The following ANKLE2 variants were observed in gnomAD, a reference collection of about 807,000 sequenced individuals.
ANKLE2 encodes the protein ankyrin repeat and LEM domain containing 2.
In ANKLE2, 55 loss-of-function variants were observed where a neutral mutation model predicts 84.2. That is an observed-to-expected ratio of 0.65 (90% CI 0.53 to 0.82). The LOEUF is 0.82. Among genes scored for constraint, ANKLE2 ranks in the 40% least tolerant of loss-of-function variants. ANKLE2 has a pLI of 0.00. For missense variants in ANKLE2, 1,238 were observed against 1,201.9 expected (o/e 1.03, Z -0.44); for synonymous variants, 551 against 486.1 (o/e 1.13, Z -1.76).
chr12:132,751,047 G>A lies in ANKLE2; in HGVS notation c.641-198C>T, dbSNP rs2044344329. The stretch of plus-strand genomic sequence containing the variant: ...AACAAGCTCGACAGTGTGCATATAT[G>A]CATGTAACATGATATATATTATGTT... On this transcript the variant is annotated intron_variant, in intron 2 of 12. Coordinates refer to ENST00000357997, the MANE Select transcript of ANKLE2 (RefSeq NM_015114.3). 2.1e-5 allele frequency: 12 copies of A among 578,356 alleles called. No homozygotes were observed. The East Asian group carries it at 3.1e-4, about 15-fold the overall frequency. The allele number at this position is 578,356 out of a possible 1,614,324, so 35.8% of individuals were successfully genotyped here. A position where few individuals can be genotyped will look rare whatever the true frequency, so the allele number is the denominator to read the frequency against.
intron 12 of ANKLE2, 62 bp from the exon 13 acceptor site, chr12:132,727,505 G>GACTGT: frequency 1.4e-6 from 2 of 1,430,120 alleles, no homozygotes; most frequent in South Asian, 2.5e-5. Context: ...AACAGCAAAA[G>GACTGT]TCGGAGAATA....
chr12:132,727,438 G>A lies in ANKLE2; in HGVS notation c.2621C>T (p.Pro874Leu), dbSNP rs1178577410. The A allele has an allele frequency of 1.9e-6, 3 of 1,553,934 alleles. No individual in the cohort carries two copies. The South Asian group carries it at 3.6e-5, about 18-fold the overall frequency. The part of the protein sequence containing the change: ...CYSPSDRQSW[P>L]SPAVKGRFKS... ...GAACCTTCCTTTCACCGCGGGACTG[G>A]GCCAACTGCGGAAAGCAAGAAAGAA... Residue 874 changes from proline (P) to leucine (L), a missense_variant, in exon 13 of 13, where the codon CCC becomes CTC. Transcript: ENST00000357997.
intron 11 of ANKLE2, among the ~76,000 whole-genome samples, chr12:132,728,654 G>A (rs2043760148): frequency 1.3e-5 from 2 of 152,224 alleles, no homozygotes; most frequent in South Asian, 2.1e-4. Context: ...CTCTGCAGAG[G>A]GAGGCATCTC....
intron 3 of ANKLE2, 96 bp downstream of exon 3, chr12:132,750,547 G>A: frequency 7.3e-7 from 1 of 1,361,484 alleles, no homozygotes; most frequent in Non-Finnish European, 1.0e-6. Context: ...TACCCTCATG[G>A]AGAAAACAAG....
rs756312417 is a variant in ANKLE2, at chr12:132,728,144, C to T, written c.2503G>A (p.Asp835Asn). ...TCAAGAGCGGCCAAAACATCCTGAT[C>T]GAGTTTTGATGGCTCCTCTCTAGAA... ...FLFGEEPSKL[D>N]QDVLAALECA... Residue 835 changes from aspartate to asparagine, a missense_variant, in exon 12 of 13, where the codon GAT (aspartate) becomes AAT (asparagine). Asp to Asn is a conservative substitution (Grantham distance 23). Transcript: ENST00000357997. The T allele has an allele frequency of 7.4e-6, 12 of 1,612,576 alleles. No individual in the cohort carries two copies. The highest frequency in any genetic ancestry group is 5.5e-5 in the South Asian group (5 of 91,054).
At position 132,761,763 on chromosome 12, in the gene ANKLE2, C is replaced by G; in HGVS notation, c.36G>C (p.Ala12=). 1.7e-6 allele frequency: 2 copies of G among 1,195,190 alleles called. No homozygotes were observed. Among genetic ancestry groups the G allele is most frequent in the Non-Finnish European group, 2.1e-6 (2 of 964,548 alleles). The allele number at this position is 1,195,190 out of a possible 1,614,324, so 74.0% of individuals were successfully genotyped here. ...LWPRLAAAEW[A]ALAWELLGAS... is the part of the protein sequence containing the mutation. ...CGCCCAGCAGCTCCCAGGCCAGCGC[C>G]GCCCACTCGGCCGCCGCCAGCCGCG... The change falls in exon 1 of 13, where the codon GCG becomes GCC. Residue 12 remains alanine (A), a synonymous_variant. Transcript: ENST00000357997.
intron 1 of ANKLE2, chr12:132,761,063 C>T (rs994141015): frequency 2.0e-5 from 3 of 151,856 alleles, no homozygotes; most frequent in Non-Finnish European, 4.4e-5. Context: ...AAACTTAAAA[C>T]GACCAAAACC....
At chr12:132,744,512 T>C (rs967889669) in intron 5 of ANKLE2, among the ~76,000 whole-genome samples, 1 of 151,986 alleles carries the variant, frequency 6.6e-6, no homozygotes, top group Non-Finnish European at 1.5e-5. Flanking sequence ...CACCCGCAAA[T>C]GTCCTCCTAC....
At chr12:132,737,199 G>T in intron 7 of ANKLE2, 134 bp from the exon 8 acceptor site, 2 of 928,812 alleles carry the variant, frequency 2.2e-6, no homozygotes, top group Non-Finnish European at 3.1e-6. Flanking sequence ...GCAGAGGGTG[G>T]TTTCCGCCAG....
intron 2 of ANKLE2, among the ~76,000 whole-genome samples, chr12:132,752,846 G>C (rs2044386071): frequency 6.6e-6 from 1 of 151,984 alleles, no homozygotes; most frequent in Non-Finnish European, 1.5e-5. Context: ...TTTTTCCAAT[G>C]CTAAATCTTC....
chr12:132,743,236 T>C lies in ANKLE2; in HGVS notation c.1271A>G (p.Asn424Ser). 1 of 1,611,738 alleles carries C rather than the reference T, an allele frequency of 6.2e-7. No homozygotes were observed. Among genetic ancestry groups the C allele is most frequent in the Non-Finnish European group, 8.5e-7 (1 of 1,178,912 alleles). Residue 424 changes from asparagine (N) to serine (S), a missense_variant, in exon 6 of 13, where the codon AAT becomes AGT. Asn to Ser is a conservative substitution (Grantham distance 46, BLOSUM62 1). This residue lies in a region of ANKLE2 where 802 missense variants were observed against 774.5 expected (regional missense o/e 1.04). Transcript: ENST00000357997. The surrounding 1 kb of genome is among the most constrained non-coding windows in gnomAD (Gnocchi z 4.1). ...TPLHFACKFG[N>S]ADVVNVLSSH... ...CGAAAGCACGTTGACTACATCTGCA[T>C]TTCCAAACTTACAAGCAAAATGCAA...
In ANKLE2 at chr12:132,761,717, C is replaced by A; in HGVS notation, c.82G>T (p.Val28Leu). ...LLGASVLLIA[V>L]RWLVRRLGPR... ...CCCAGCCGCCGCACCAGCCACCGCA[C>A]AGCGATCAGCAGCACCGAGGCGCCC... The change falls in exon 1 of 13, where the codon GTG (valine) becomes TTG (leucine). Residue 28 changes from valine (V) to leucine (L), a missense_variant. Physicochemically the swap from Val to Leu is conservative, Grantham distance 32 (BLOSUM62 1). Transcript: ENST00000357997. 3 of 1,344,176 alleles carry A rather than the reference C, an allele frequency of 2.2e-6. No individual in the cohort carries two copies. The highest frequency in any genetic ancestry group is 2.9e-6 in the Non-Finnish European group (3 of 1,039,608). 83.3% of individuals were successfully genotyped at this position (1,344,176 alleles called of 1,614,324 possible).
At chr12:132,750,891 C>T in intron 2 of ANKLE2, 42 bp from the exon 3 acceptor site, 1 of 1,572,740 alleles carries the variant, frequency 6.4e-7, no homozygotes, top group Non-Finnish European at 8.7e-7. Context: ...AGAAGAGTGA[C>T]TGGAGAGCTG....
At chr12:132,735,011 G>C in intron 9 of ANKLE2, 1 of 282,402 alleles carries the variant, frequency 3.5e-6, no homozygotes, top group Non-Finnish European at 6.6e-6. Context: ...CATATTTTGA[G>C]AAAATATTCT....
Position 132,730,209 on chromosome 12 carries a change from T to C in ANKLE2, c.1953A>G (p.Ile651Met), listed in dbSNP as rs1326754540. ...LDEDDMSLEEIKNRQNAARNN... is the reference protein window; with the variant it reads ...LDEDDMSLEEMKNRQNAARNN... ...TTCGAGCTGCATTTTGCCGATTTTT[T>C]ATTTCTTCCAAGCTCATGTCATCTT... The change falls in exon 11 of 13, where the codon ATA becomes ATG. Residue 651 changes from isoleucine to methionine, a missense_variant. By Grantham distance (10) the Ile-to-Met change is conservative. Transcript: ENST00000357997. 4 of 1,597,444 alleles carry C rather than the reference T, an allele frequency of 2.5e-6. No individual in the cohort carries two copies. The African/African-American group carries it at 4.0e-5, about 16-fold the overall frequency.
intron 10 of ANKLE2, chr12:132,730,648 C>A: frequency 4.4e-6 from 1 of 228,504 alleles, no homozygotes; most frequent in East Asian, 7.9e-5. Flanking sequence ...ATAGCGAAAC[C>A]CCGTTCTCTA....
rs149926759 is a variant in ANKLE2 at position 132,740,297 on chromosome 12, C to T, written c.1420+1122G>A. On this transcript the variant is annotated intron_variant, in intron 7 of 12. Transcript: ENST00000357997. Reference sequence around the variant, plus strand: ...TGTAATTAATAAATTATACCTAGGACGGGAACAGATCAGGGGACAAGCAGA... The same window carrying T: ...TGTAATTAATAAATTATACCTAGGATGGGAACAGATCAGGGGACAAGCAGA... Among the ~76,000 whole-genome samples the T allele has an allele frequency of 2.0e-4, 31 of 152,200 alleles. No homozygotes were observed. The East Asian group carries it at 5.2e-3, about 26-fold the overall frequency.
chr12:132,755,450 C>A (rs1471618535), intron 1 of ANKLE2: 1 of 213,838 alleles, frequency 4.7e-6, no homozygotes, highest in Admixed American at 5.6e-5. Context: ...GAGGCTGAGG[C>A]TGGAGAATCG....
intron 3 of ANKLE2, chr12:132,748,982 T>A (rs1006278087): frequency 6.6e-6 from 1 of 151,526 alleles, no homozygotes; most frequent in Non-Finnish European, 1.5e-5. Context: ...AGTGTTGTAA[T>A]TACAGGGACG....
Sources: gnomAD v4.1 joint callset for allele counts (sites outside exome capture counted in the v4.1 genomes callset) on GRCh38, gnomAD v4.1.1 for gene constraint, gnomAD v4.1.1 regional missense constraint, Gnocchi (gnomAD v3.1) non-coding constraint, MANE v1.5 for transcripts, NCBI Gene and HGNC (gene_info 2026-07-23, HGNC 2026-07-21) for gene names.